Variants in CMIP observed in about 807,000 individuals in gnomAD.
CMIP encodes C-Maf-inducing protein.
In CMIP, 13 loss-of-function variants were observed where a neutral mutation model predicts 97.3. The ratio of observed to expected loss-of-function variants is 0.13; its 90% CI spans 0.09 to 0.21. The LOEUF (loss-of-function observed/expected upper bound fraction) is 0.21, where lower values mean the gene tolerates loss of function less well. CMIP is among the 10% of genes least tolerant of loss of function. The pLI is 1.00. For missense variants in CMIP, 847 were observed against 1,024.9 expected (o/e 0.83, Z 2.37); for synonymous variants, 538 against 436.3 (o/e 1.23, Z -2.91).
chr16:81,501,005 G>A (rs993381193), intron 1 of CMIP, among the ~76,000 whole-genome samples: 13 of 152,322 alleles, frequency 8.5e-5, no homozygotes, highest in East Asian at 5.8e-4. Context: ...AAGTTTTTAC[G>A]AGCAAATCTG....
intron 13 of CMIP, among the ~76,000 whole-genome samples, chr16:81,694,649 C>T (rs1029381457): frequency 2.6e-5 from 4 of 152,180 alleles, no homozygotes; most frequent in South Asian, 4.1e-4. Flanking sequence ...AAGGCAGACC[C>T]CCCTGCCGCC....
chr16:81,680,369 GC>G (rs965329464), intron 10 of CMIP, among the ~76,000 whole-genome samples: 4 of 152,212 alleles, frequency 2.6e-5, no homozygotes, highest in African/African-American at 9.7e-5. Context: ...ACCCTGGGGT[GC>G]CCCCTGTGCT....
In CMIP at chr16:81,565,797, G is replaced by A. The variant is rs551146611; in HGVS notation, c.301-41770G>A. ...TCAACACACACTGATTGGCTTTCCT[G>A]TCTGCCTCCTTCTGGGGCACGGCGC... On this transcript the variant is annotated intron_variant, in intron 1 of 20. Coordinates refer to ENST00000537098, the MANE Select transcript of CMIP (RefSeq NM_198390.3). 5.3e-5 allele frequency among the ~76,000 whole-genome samples: 8 copies of A among 152,336 alleles called. No homozygotes were observed. The South Asian group carries it at 1.7e-3, about 32-fold the overall frequency.
At chr16:81,577,117 C>A (rs12930429) in intron 1 of CMIP, among the ~76,000 whole-genome samples, 1 of 142,114 alleles carries the variant, frequency 7.0e-6, no homozygotes, top group Non-Finnish European at 1.5e-5. Flanking sequence ...ACCATCACCA[C>A]CATCATAACT....
chr16:81,617,683 C>A (rs573646893), intron 2 of CMIP: 4 of 152,318 alleles, frequency 2.6e-5, no homozygotes, highest in Non-Finnish European at 4.4e-5. Flanking sequence ...TGTGTTCATT[C>A]GTTCCAGTGT....
chr16:81,699,680 C>T lies in CMIP; in HGVS notation c.1639-5C>T, dbSNP rs770723649. ...TCCCTTCACCTGGGCCTTCTTGCCT[C>T]ACAGGTGCACATCCTCATGGGCTCC... On this transcript the variant is annotated splice_polypyrimidine_tract_variant and splice_region_variant and intron_variant, in intron 14 of 20. Coordinates refer to ENST00000537098, the MANE Select transcript of CMIP (RefSeq NM_198390.3). The T allele has an allele frequency of 6.2e-7, 1 of 1,600,304 alleles. No homozygotes were observed. Among genetic ancestry groups the T allele is most frequent in the East Asian group, 2.2e-5 (1 of 44,762 alleles).
intron 1 of CMIP, among the ~76,000 whole-genome samples, chr16:81,560,469 C>T (rs1230421086): frequency 1.3e-5 from 2 of 152,152 alleles, no homozygotes; most frequent in Admixed American, 1.3e-4. Context: ...CCGCCCGCCT[C>T]GGCCTCCCAA....
intron 1 of CMIP, among the ~76,000 whole-genome samples, chr16:81,534,650 A>C (rs201441786): frequency 1.7e-4 from 26 of 152,144 alleles, no homozygotes; most frequent in Non-Finnish European, 2.4e-4. Flanking sequence ...CCATAAAAAA[A>C]AAAACAAAAC....
At chr16:81,545,491 A>C (rs1462902608) in intron 1 of CMIP, among the ~76,000 whole-genome samples, 1 of 152,118 alleles carries the variant, frequency 6.6e-6, no homozygotes, top group Non-Finnish European at 1.5e-5. Flanking sequence ...CTCCTGTGTG[A>C]AGAGTCCCTG....
chr16:81,464,439 A>G (rs1207952965), intron 1 of CMIP: 1 of 152,294 alleles, frequency 6.6e-6, no homozygotes. Context: ...CTGTTTTCTC[A>G]CTTTGTCTAT....
chr16:81,671,220 G>A (rs1370063945), intron 8 of CMIP, among the ~76,000 whole-genome samples: 1 of 152,196 alleles, frequency 6.6e-6, no homozygotes, highest in East Asian at 1.9e-4. Flanking sequence ...AACTCACGAA[G>A]TCGTTTGAGG....
intron 1 of CMIP, among the ~76,000 whole-genome samples, chr16:81,570,245 C>T (rs773281947): frequency 3.3e-5 from 5 of 152,118 alleles, no homozygotes; most frequent in East Asian, 1.9e-4. Context: ...GTGGAGAAGG[C>T]GCATCCTCTG....
At chr16:81,557,201 A>G (rs1422902548) in intron 1 of CMIP, among the ~76,000 whole-genome samples, 1 of 152,254 alleles carries the variant, frequency 6.6e-6, no homozygotes, top group African/African-American at 2.4e-5. Flanking sequence ...AGTTTAATTT[A>G]AAAATGAGAA....
At chr16:81,492,697 G>T (rs7193307) in intron 1 of CMIP, among the ~76,000 whole-genome samples, 4 of 152,030 alleles carry the variant, frequency 2.6e-5, no homozygotes, top group East Asian at 1.9e-4. Flanking sequence ...GGAGAAAAAG[G>T]GGGGAAGAGA....
intron 6 of CMIP, 100 bp downstream of exon 6, chr16:81,661,046 C>A (rs1184965244): frequency 6.9e-7 from 1 of 1,458,236 alleles, no homozygotes; most frequent in Non-Finnish European, 9.6e-7. Context: ...AAACCTGGGC[C>A]CCACCGTCTT....
intron 14 of CMIP, chr16:81,698,002 C>G (rs1906949532): frequency 6.9e-6 from 1 of 145,968 alleles, no homozygotes; most frequent in South Asian, 2.4e-4. Context: ...CCCCCCCGCC[C>G]CCGCCCCCAC....
chr16:81,453,603 C>T lies in CMIP; in HGVS notation c.300+8062C>T, dbSNP rs989472170. 7.2e-5 allele frequency among the ~76,000 whole-genome samples: 11 copies of T among 152,162 alleles called. No individual in the cohort carries two copies. The highest frequency in any genetic ancestry group is 2.1e-4 in the South Asian group (1 of 4,832). ...CTGTTTACCAACACACACACCGGTG[C>T]GAGGCTCTGCAGGGAAGGAGAGCCA... On this transcript the variant is annotated intron_variant, in intron 1 of 20. Coordinates refer to ENST00000537098, the MANE Select transcript of CMIP (RefSeq NM_198390.3). This position sits in a 1 kb window ranked among gnomAD's most constrained non-coding sequence, Gnocchi z 4.0.
At chr16:81,586,843 G>A (rs2091391553) in intron 1 of CMIP, among the ~76,000 whole-genome samples, 1 of 152,200 alleles carries the variant, frequency 6.6e-6, no homozygotes, top group Admixed American at 6.5e-5. Context: ...ACAGATGTTA[G>A]ACAAATGAAC....
At chr16:81,703,454 C>T (rs1417026003) in intron 17 of CMIP, among the ~76,000 whole-genome samples, 1 of 152,016 alleles carries the variant, frequency 6.6e-6, no homozygotes, top group Non-Finnish European at 1.5e-5. Flanking sequence ...CAGCCAGTCA[C>T]ACACCCTGAT....
Sources: allele counts gnomAD v4.1 joint callset (sites outside exome capture counted in the v4.1 genomes callset), GRCh38; gene constraint gnomAD v4.1.1; non-coding constraint Gnocchi (gnomAD v3.1); transcripts MANE v1.5; gene names NCBI Gene and HGNC (gene_info 2026-07-23, HGNC 2026-07-21).